The following SLC8A3 variants were observed in gnomAD, a reference collection of about 807,000 sequenced individuals.
SLC8A3 encodes the protein solute carrier family 8 member A3, also known as sodium/calcium exchanger 3.
A neutral mutation model predicts 65.4 loss-of-function variants in SLC8A3; 37 were observed. The observed-to-expected ratio is 0.57, with a 90% confidence interval of 0.44 to 0.74. The LOEUF (loss-of-function observed/expected upper bound fraction) is 0.74. SLC8A3 is among the 30% of genes least tolerant of loss of function. The pLI is 0.00. For synonymous variants in SLC8A3, 461 were observed against 444.5 expected (o/e 1.04, Z -0.47); for missense variants, 1,112 against 1,172.1 (o/e 0.95, Z 0.75).
intron 2 of SLC8A3, among the ~76,000 whole-genome samples, chr14:70,149,401 G>A (rs1896124833): frequency 6.6e-6 from 1 of 152,192 alleles, no homozygotes; most frequent in Non-Finnish European, 1.5e-5. Flanking sequence ...CAGATCACTT[G>A]GCCATTAAGA....
chr14:70,058,897 A>G (rs539604967), intron 3 of SLC8A3, among the ~76,000 whole-genome samples: 1 of 152,320 alleles, frequency 6.6e-6, no homozygotes, highest in South Asian at 2.1e-4. Context: ...GGCCTTGGGT[A>G]TCTGCTGCTT....
chr14:70,179,679 G>A (rs778446509), intron 1 of SLC8A3, among the ~76,000 whole-genome samples: 1 of 152,180 alleles, frequency 6.6e-6, no homozygotes, highest in Non-Finnish European at 1.5e-5. Context: ...CCCAGTCTTA[G>A]TCCTCTCATT....
chr14:70,171,961 G>T (rs1476545301), intron 1 of SLC8A3, among the ~76,000 whole-genome samples: 3 of 152,144 alleles, frequency 2.0e-5, no homozygotes, highest in African/African-American at 7.2e-5. Context: ...AGAGAAAGCA[G>T]GAACATCTCT....
intron 2 of SLC8A3, among the ~76,000 whole-genome samples, chr14:70,154,177 G>A (rs1206118919): frequency 6.6e-6 from 1 of 152,228 alleles, no homozygotes; most frequent in Non-Finnish European, 1.5e-5. Flanking sequence ...TCCTACATAT[G>A]AGGAAAAGGG....
intron 2 of SLC8A3, among the ~76,000 whole-genome samples, chr14:70,069,522 AC>A (rs544430459): frequency 9.5e-4 from 144 of 152,234 alleles, no homozygotes; most frequent in African/African-American, 3.4e-3. Context: ...GGAGCTGCGA[AC>A]CTTTCCATGG....
Position 70,045,413 on chromosome 14 carries a change from G to A in SLC8A3, c.*534C>T, listed in dbSNP as rs1339042353. The A allele has an allele frequency of 6.6e-6, 1 of 152,038 alleles. No homozygotes were observed. Among genetic ancestry groups the A allele is most frequent in the Non-Finnish European group, 1.5e-5 (1 of 68,000 alleles). 9.4% of individuals were successfully genotyped at this position (152,038 alleles called of 1,614,324 possible). On this transcript the variant is annotated 3_prime_UTR_variant, in exon 7 of 7. Transcript: ENST00000356921. ...TTTTTCACTCACTTCAGAAAAAAAA[G>A]ACAAAACAAAATAATAAGCAAAACC... is the stretch of plus-strand genomic sequence containing the variant.
intron 2 of SLC8A3, among the ~76,000 whole-genome samples, chr14:70,161,342 C>T (rs903269658): frequency 7.1e-6 from 1 of 141,078 alleles, no homozygotes; most frequent in Non-Finnish European, 1.5e-5. Context: ...TCAATTATTC[C>T]TTTGGGCCTG....
chr14:70,076,043 C>A (rs1017812965), intron 2 of SLC8A3, among the ~76,000 whole-genome samples: 1 of 152,120 alleles, frequency 6.6e-6, no homozygotes. Context: ...TTGATGCCCC[C>A]ACTCCCCCAC....
At chr14:70,097,889 C>G (rs1892294454) in intron 2 of SLC8A3, among the ~76,000 whole-genome samples, 2 of 152,164 alleles carry the variant, frequency 1.3e-5, no homozygotes, top group African/African-American at 4.8e-5. Flanking sequence ...CAGATTCCAG[C>G]ACCAATTACA....
intron 2 of SLC8A3, among the ~76,000 whole-genome samples, chr14:70,164,999 T>A (rs1480578189): frequency 6.6e-6 from 1 of 152,198 alleles, no homozygotes; most frequent in Non-Finnish European, 1.5e-5. Flanking sequence ...AATCAATTTG[T>A]CAATGGCCAT....
At chr14:70,115,169 C>CACTTGGGA (rs1247370813) in intron 2 of SLC8A3, among the ~76,000 whole-genome samples, 2 of 152,146 alleles carry the variant, frequency 1.3e-5, no homozygotes, top group African/African-American at 4.8e-5. Context: ...TTCCAGGAAG[C>CACTTGGGA]ACTTGGGAAG....
chr14:70,072,796 C>A (rs774112215), intron 2 of SLC8A3, among the ~76,000 whole-genome samples: 2 of 152,064 alleles, frequency 1.3e-5, no homozygotes, highest in South Asian at 2.1e-4. Flanking sequence ...TACAGGCATG[C>A]GCCACTAAAC....
intron 2 of SLC8A3, among the ~76,000 whole-genome samples, chr14:70,163,912 T>C (rs1347702178): frequency 6.6e-6 from 1 of 152,132 alleles, no homozygotes; most frequent in Non-Finnish European, 1.5e-5. Flanking sequence ...TATTCTAAGG[T>C]CCTTTCTAGC....
At chr14:70,178,098 G>T (rs1445411287) in intron 1 of SLC8A3, among the ~76,000 whole-genome samples, 1 of 152,294 alleles carries the variant, frequency 6.6e-6, no homozygotes, top group South Asian at 2.1e-4. Flanking sequence ...ACCACATCAG[G>T]CCCCTTCCTC....
intron 5 of SLC8A3, among the ~76,000 whole-genome samples, chr14:70,050,359 C>G (rs1887343766): frequency 6.6e-6 from 1 of 152,142 alleles, no homozygotes; most frequent in Non-Finnish European, 1.5e-5. Flanking sequence ...AACAAAGTCT[C>G]TCAATAAAAG....
At chr14:70,059,692 G>T (rs1888558671) in intron 3 of SLC8A3, among the ~76,000 whole-genome samples, 1 of 152,182 alleles carries the variant, frequency 6.6e-6, no homozygotes, top group Non-Finnish European at 1.5e-5. Context: ...TCTAGTGTGG[G>T]ATGAGGGCTA....
chr14:70,087,114 A>T (rs1891496239), intron 2 of SLC8A3, among the ~76,000 whole-genome samples: 1 of 152,232 alleles, frequency 6.6e-6, no homozygotes, highest in Non-Finnish European at 1.5e-5. Flanking sequence ...CTAGCCATCT[A>T]ACATAGTTTT....
intron 4 of SLC8A3, among the ~76,000 whole-genome samples, chr14:70,051,573 T>C (rs1024230441): frequency 6.6e-6 from 1 of 152,214 alleles, no homozygotes; most frequent in East Asian, 1.9e-4. Context: ...AGTGCTGAGA[T>C]TACAGGCGTG....
At position 70,046,337 on chromosome 14, in the gene SLC8A3, A is replaced by G; in HGVS notation, c.2390-14T>C. The G allele has an allele frequency of 6.3e-7, 1 of 1,591,840 alleles. No individual in the cohort carries two copies. Among genetic ancestry groups the G allele is most frequent in the Non-Finnish European group, 8.6e-7 (1 of 1,167,726 alleles). On this transcript the variant is annotated splice_polypyrimidine_tract_variant and intron_variant, in intron 6 of 6. Transcript: ENST00000356921. This position sits in a 1 kb window ranked among gnomAD's most constrained non-coding sequence, Gnocchi z 4.2. ...TGGCAAACGTATCTGGAAAAGGACA[A>G]AGACACATGGGAACTGGTAGGAGGC...
Sources: gnomAD v4.1 joint callset for allele counts (sites outside exome capture counted in the v4.1 genomes callset) on GRCh38, gnomAD v4.1.1 for gene constraint, Gnocchi (gnomAD v3.1) non-coding constraint, MANE v1.5 for transcripts, NCBI Gene and HGNC (gene_info 2026-07-23, HGNC 2026-07-21) for gene names.